The following KCNIP4 variants were observed in gnomAD, a reference collection of about 807,000 sequenced individuals.
KCNIP4 encodes potassium voltage-gated channel interacting protein 4.
KCNIP4 carries 12 observed loss-of-function variants against 34.0 expected under a neutral mutation model. The observed-to-expected ratio is 0.35, with a 90% CI of 0.23 to 0.57. The LOEUF (loss-of-function observed/expected upper bound fraction) is 0.57, where lower values mean the gene tolerates loss of function less well. KCNIP4 is among the 20% of genes least tolerant of loss of function. The pLI, the probability that KCNIP4 is intolerant of heterozygous loss-of-function variation, is 0.83. For synonymous variants in KCNIP4, 124 were observed against 102.2 expected (o/e 1.21, Z -1.29); for missense variants, 238 against 311.7 (o/e 0.76, Z 1.78).
chr4:21,731,940 T>C (rs1302990993), intron 1 of KCNIP4, among the ~76,000 whole-genome samples: 1 of 152,028 alleles, frequency 6.6e-6, no homozygotes, highest in Non-Finnish European at 1.5e-5. Context: ...AACCTCAGAA[T>C]TACCAGTTGA....
intron 1 of KCNIP4, among the ~76,000 whole-genome samples, chr4:20,979,186 A>G (rs958470680): frequency 6.6e-6 from 1 of 152,104 alleles, no homozygotes; most frequent in Admixed American, 6.5e-5. Context: ...AATAAAGCCA[A>G]ACAAAGTTGC....
intron 1 of KCNIP4, among the ~76,000 whole-genome samples, chr4:21,510,746 G>C (rs1176272368): frequency 1.3e-5 from 2 of 152,020 alleles, no homozygotes; most frequent in Non-Finnish European, 2.9e-5. Context: ...GGCCAGGCAT[G>C]GTGGCTCATG....
intron 2 of KCNIP4, among the ~76,000 whole-genome samples, chr4:20,879,510 G>T (rs1304632175): frequency 1.3e-5 from 2 of 152,176 alleles, no homozygotes; most frequent in African/African-American, 2.4e-5. Flanking sequence ...TTGGGACTTA[G>T]AAGTTTTGCC....
chr4:21,056,816 T>C (rs1440283264), intron 1 of KCNIP4, among the ~76,000 whole-genome samples: 1 of 152,090 alleles, frequency 6.6e-6, no homozygotes, highest in African/African-American at 2.4e-5. Flanking sequence ...AATGTGATAA[T>C]ATTGGGAAGT....
intron 1 of KCNIP4, among the ~76,000 whole-genome samples, chr4:21,696,437 C>A (rs1415108277): frequency 6.6e-6 from 1 of 151,904 alleles, no homozygotes; most frequent in African/African-American, 2.4e-5. Context: ...CTTTTTTTCT[C>A]TTTATTTAGA....
intron 2 of KCNIP4, among the ~76,000 whole-genome samples, chr4:20,875,573 A>G (rs1344191026): frequency 6.6e-6 from 1 of 152,230 alleles, no homozygotes; most frequent in South Asian, 2.1e-4. Flanking sequence ...GCTTTCTATT[A>G]AGAAATACGT....
At chr4:20,812,935 G>A (rs1292603986) in intron 3 of KCNIP4, among the ~76,000 whole-genome samples, 1 of 60,646 alleles carries the variant, frequency 1.6e-5, no homozygotes, top group Non-Finnish European at 3.9e-5. Flanking sequence ...TTGTGTGTGA[G>A]TGTGTGTGTG....
At chr4:21,457,988 C>T (rs2109764988) in intron 1 of KCNIP4, among the ~76,000 whole-genome samples, 1 of 150,900 alleles carries the variant, frequency 6.6e-6, no homozygotes, top group East Asian at 1.9e-4. Context: ...ATACTGATGA[C>T]ATGGTAACAC....
chr4:21,134,723 T>C (rs1010153283), intron 1 of KCNIP4, among the ~76,000 whole-genome samples: 1 of 152,236 alleles, frequency 6.6e-6, no homozygotes, highest in Admixed American at 6.5e-5. Context: ...TCTGAAAATA[T>C]ACATCCCCCA....
At chr4:21,854,295 T>A (rs978055208) in intron 1 of KCNIP4, among the ~76,000 whole-genome samples, 2 of 152,214 alleles carry the variant, frequency 1.3e-5, no homozygotes, top group Non-Finnish European at 2.9e-5. Context: ...ATGAAGGAGT[T>A]GAGACAGAAT....
chr4:21,452,717 G>A (rs1728609457), intron 1 of KCNIP4, among the ~76,000 whole-genome samples: 1 of 150,232 alleles, frequency 6.7e-6, no homozygotes, highest in Admixed American at 6.7e-5. Context: ...ATGTTAAAGT[G>A]TTTCTTCAAA....
intron 1 of KCNIP4, among the ~76,000 whole-genome samples, chr4:21,166,829 C>G (rs1278686565): frequency 6.7e-6 from 1 of 148,326 alleles, no homozygotes; most frequent in African/African-American, 2.5e-5. Context: ...ATCCCAGCTA[C>G]TTGGGAGGCT....
At chr4:21,668,229 G>A (rs1749171426) in intron 1 of KCNIP4, among the ~76,000 whole-genome samples, 1 of 152,080 alleles carries the variant, frequency 6.6e-6, no homozygotes, top group Admixed American at 6.5e-5. Flanking sequence ...GGGCCTATTG[G>A]GCAGTTGGGG....
intron 1 of KCNIP4, among the ~76,000 whole-genome samples, chr4:21,389,193 C>T (rs1292581992): frequency 6.6e-6 from 1 of 152,020 alleles, no homozygotes; most frequent in Non-Finnish European, 1.5e-5. Flanking sequence ...GTTGCCCAGG[C>T]AGTTCTGAAA....
At chr4:21,237,525 C>T (rs1252693110) in intron 1 of KCNIP4, among the ~76,000 whole-genome samples, 1 of 151,992 alleles carries the variant, frequency 6.6e-6, no homozygotes, top group Non-Finnish European at 1.5e-5. Flanking sequence ...CAAATACACG[C>T]AATAAAAAAT....
intron 1 of KCNIP4, among the ~76,000 whole-genome samples, chr4:21,132,068 G>A (rs1265811734): frequency 6.6e-6 from 1 of 152,180 alleles, no homozygotes; most frequent in Non-Finnish European, 1.5e-5. Flanking sequence ...TGTCCTGACA[G>A]ATGTTTACTA....
intron 1 of KCNIP4, among the ~76,000 whole-genome samples, chr4:21,009,115 C>T (rs1480907033): frequency 1.3e-5 from 2 of 152,152 alleles, no homozygotes; most frequent in South Asian, 4.1e-4. Context: ...GATTCCTTGT[C>T]ATTTGAAAAT....
chr4:21,880,158 T>C (rs1292376709), intron 1 of KCNIP4, among the ~76,000 whole-genome samples: 1 of 152,194 alleles, frequency 6.6e-6, no homozygotes, highest in East Asian at 1.9e-4. Flanking sequence ...AGATATGGCA[T>C]GGGGAGACTT....
intron 1 of KCNIP4, among the ~76,000 whole-genome samples, chr4:21,279,643 G>T (rs1023007900): frequency 5.5e-4 from 84 of 151,438 alleles, no homozygotes; most frequent in Non-Finnish European, 4.9e-4. Flanking sequence ...TATTAATTCA[G>T]CCAGCTTCTA....
Sources: allele counts gnomAD v4.1 joint callset (sites outside exome capture counted in the v4.1 genomes callset), GRCh38; gene constraint gnomAD v4.1.1; transcripts MANE v1.5; gene names NCBI Gene and HGNC (gene_info 2026-07-23, HGNC 2026-07-21).